Variants in FGF14 observed in about 807,000 individuals in gnomAD.
FGF14 encodes fibroblast growth factor 14.
In FGF14, 5 loss-of-function variants were observed where a neutral mutation model predicts 25.5. The observed-to-expected ratio is 0.20, with a 90% confidence interval of 0.10 to 0.41. FGF14 has a LOEUF of 0.41. Ranked by LOEUF, FGF14 falls within the 10% of genes least tolerant of loss-of-function variation. The probability of loss-of-function intolerance (pLI) is 1.00; values close to 1 mark genes in which losing one functional copy is unlikely to be tolerated. For synonymous variants in FGF14, 138 were observed against 118.3 expected, an observed-to-expected ratio of 1.17 and a Z score of -1.08; for missense variants, 222 against 320.1, an observed-to-expected ratio of 0.69 and a Z score of 2.34.
At chr13:101,933,840 AAATATT>A (rs201735542) in intron 1 of FGF14, among the ~76,000 whole-genome samples, 4,752 of 152,300 alleles carry the variant, frequency 0.031, 108 homozygotes, top group Non-Finnish European at 0.045. Context: ...ATATTACTCT[AAATATT>A]ATTGCTCATA....
chr13:102,369,160 T>A (rs1450773045), intron 1 of FGF14, among the ~76,000 whole-genome samples: 2 of 152,214 alleles, frequency 1.3e-5, no homozygotes, highest in Non-Finnish European at 2.9e-5. Flanking sequence ...CACTGGCTGA[T>A]GTCCTTTGAA....
chr13:101,976,470 GA>G (rs572212036), intron 1 of FGF14, among the ~76,000 whole-genome samples: 2 of 151,424 alleles, frequency 1.3e-5, no homozygotes, highest in African/African-American at 2.4e-5. Context: ...TACTTTTTTT[GA>G]AAAAAAATCA....
chr13:101,865,510 T>C (rs1057020500), intron 3 of FGF14, among the ~76,000 whole-genome samples: 1 of 152,048 alleles, frequency 6.6e-6, no homozygotes, highest in Non-Finnish European at 1.5e-5. Flanking sequence ...ATTGCAATCA[T>C]TAGGACCACA....
At chr13:101,745,980 G>A (rs189099068) in intron 3 of FGF14, among the ~76,000 whole-genome samples, 69 of 152,164 alleles carry the variant, frequency 4.5e-4, no homozygotes, top group South Asian at 3.1e-3. Flanking sequence ...GAAAGAATGT[G>A]ATAGAAAGAA....
At chr13:102,006,722 TACTTC>T (rs1210450511) in intron 1 of FGF14, among the ~76,000 whole-genome samples, 1 of 135,818 alleles carries the variant, frequency 7.4e-6, no homozygotes, top group Non-Finnish European at 1.5e-5. Flanking sequence ...CACAAAATCT[TACTTC>T]TTTTTTTTTT....
intron 1 of FGF14, among the ~76,000 whole-genome samples, chr13:102,013,569 T>A (rs1441243462): frequency 6.6e-6 from 1 of 152,162 alleles, no homozygotes; most frequent in South Asian, 2.1e-4. Context: ...AACAGATGAA[T>A]AAACCCAAAG....
intron 1 of FGF14, among the ~76,000 whole-genome samples, chr13:102,194,827 A>T (rs892885267): frequency 6.6e-6 from 1 of 152,198 alleles, no homozygotes; most frequent in African/African-American, 2.4e-5. Flanking sequence ...ATTGTTGTCA[A>T]CAGTAAAAGA....
intron 1 of FGF14, among the ~76,000 whole-genome samples, chr13:102,304,980 A>G (rs898177438): frequency 1.3e-5 from 2 of 152,180 alleles, no homozygotes; most frequent in African/African-American, 2.4e-5. Context: ...GAAACTACTG[A>G]GTTTTGGGGA....
chr13:102,273,579 G>T (rs2053357966), intron 1 of FGF14, among the ~76,000 whole-genome samples: 1 of 152,204 alleles, frequency 6.6e-6, no homozygotes, highest in South Asian at 2.1e-4. Flanking sequence ...TTTAGTAACA[G>T]ATTGTGTGTG....
chr13:101,934,342 A>G (rs1308250204), intron 1 of FGF14, among the ~76,000 whole-genome samples: 3 of 152,230 alleles, frequency 2.0e-5, no homozygotes, highest in Non-Finnish European at 4.4e-5. Context: ...CATTATGTTG[A>G]GCAGTTAAGA....
chr13:101,842,849 T>C (rs191067911), intron 3 of FGF14, among the ~76,000 whole-genome samples: 26 of 152,156 alleles, frequency 1.7e-4, no homozygotes, highest in African/African-American at 4.6e-4. Context: ...TCACTATAAC[T>C]AGGGTGACTA....
chr13:101,901,645 A>C (rs2031566459), intron 1 of FGF14, among the ~76,000 whole-genome samples: 1 of 152,182 alleles, frequency 6.6e-6, no homozygotes, highest in Non-Finnish European at 1.5e-5. Flanking sequence ...TGGAGGTTGC[A>C]GTGAGCCGAG....
At chr13:101,924,805 A>G (rs748903315) in intron 1 of FGF14, among the ~76,000 whole-genome samples, 1 of 152,210 alleles carries the variant, frequency 6.6e-6, no homozygotes, top group Non-Finnish European at 1.5e-5. Flanking sequence ...TCTTAAGCAC[A>G]TGCCTTTTCT....
intron 1 of FGF14, among the ~76,000 whole-genome samples, chr13:102,246,391 C>T (rs1940412885): frequency 6.6e-6 from 1 of 152,026 alleles, no homozygotes; most frequent in African/African-American, 2.4e-5. Flanking sequence ...ATCTAGGCTA[C>T]CTTTTGAAAA....
chr13:102,004,210 C>T (rs76165179), intron 1 of FGF14, among the ~76,000 whole-genome samples: 2,883 of 152,286 alleles, frequency 0.019, 87 homozygotes, highest in African/African-American at 0.065. Flanking sequence ...GGGAAAGGGA[C>T]ATTCCTAATA....
intron 3 of FGF14, among the ~76,000 whole-genome samples, chr13:101,779,275 G>A (rs2039340581): frequency 6.6e-6 from 1 of 152,100 alleles, no homozygotes; most frequent in Non-Finnish European, 1.5e-5. Context: ...ATTTGAAAAG[G>A]CCAGAGGTTG....
intron 1 of FGF14, among the ~76,000 whole-genome samples, chr13:102,092,405 G>C (rs1428687230): frequency 6.6e-6 from 1 of 152,124 alleles, no homozygotes; most frequent in Non-Finnish European, 1.5e-5. Flanking sequence ...TCATGTCTTA[G>C]AGTAATGTCA....
At chr13:101,930,300 G>C (rs2034662446) in intron 1 of FGF14, among the ~76,000 whole-genome samples, 1 of 152,140 alleles carries the variant, frequency 6.6e-6, no homozygotes, top group Non-Finnish European at 1.5e-5. Context: ...GAAATATTGA[G>C]AGTATTTACA....
intron 1 of FGF14, among the ~76,000 whole-genome samples, chr13:102,145,881 T>C (rs1320050551): frequency 1.3e-5 from 2 of 152,202 alleles, no homozygotes; most frequent in Non-Finnish European, 2.9e-5. Context: ...CCATTTACTA[T>C]GAAAGAAACA....
Sources: gnomAD v4.1 joint callset for allele counts (sites outside exome capture counted in the v4.1 genomes callset) on GRCh38, gnomAD v4.1.1 for gene constraint, MANE v1.5 for transcripts, NCBI Gene and HGNC (gene_info 2026-07-23, HGNC 2026-07-21) for gene names.